The following LUC7L2 variants were observed in gnomAD, a reference collection of about 807,000 sequenced individuals.
LUC7L2 encodes LUC7 like 2, pre-mRNA splicing factor, also known as putative RNA-binding protein Luc7-like 2.
A neutral mutation model predicts 52.8 loss-of-function variants in LUC7L2; 25 were observed. The ratio of observed to expected loss-of-function variants is 0.47; its 90% CI spans 0.34 to 0.66. LUC7L2 has a LOEUF of 0.66. LUC7L2 is among the 30% of genes least tolerant of loss of function. The pLI is 0.01. For synonymous variants in LUC7L2, 144 were observed against 160.9 expected (o/e 0.89, Z 0.80); for missense variants, 328 against 497.8 (o/e 0.66, Z 3.25).
At position 139,347,373 on chromosome 7, in the gene LUC7L2, A is replaced by C. The variant is rs551252608; in HGVS notation, c.-26+6856A>C. 5.3e-5 allele frequency among the ~76,000 whole-genome samples: 8 copies of C among 152,238 alleles called. No individual in the cohort carries two copies. The South Asian group carries it at 1.7e-3, about 32-fold the overall frequency. ...GAAGCTGATGTGGGCGGATCACCTG[A>C]GGTTGGGAGTTCCAGACCAGCCTGA... On this transcript the variant is annotated intron_variant, in intron 1 of 10. Transcript: ENST00000541170.
chr7:139,382,683 A>G (rs762314358), intron 2 of LUC7L2, among the ~76,000 whole-genome samples: 9 of 152,310 alleles, frequency 5.9e-5, no homozygotes, highest in Non-Finnish European at 1.0e-4. Context: ...ATTTGGCACC[A>G]TGCCCAACCT....
intron 1 of LUC7L2, among the ~76,000 whole-genome samples, chr7:139,372,636 A>G: frequency 6.6e-6 from 1 of 151,984 alleles, no homozygotes; most frequent in South Asian, 2.1e-4. Context: ...ATTATAACTT[A>G]TTACTCCATT....
intron 2 of LUC7L2, among the ~76,000 whole-genome samples, chr7:139,388,377 A>T (rs1184218733): frequency 6.6e-6 from 1 of 152,096 alleles, no homozygotes; most frequent in Non-Finnish European, 1.5e-5. Flanking sequence ...GAGCTGGAAC[A>T]TATACAAGTG....
Position 139,423,300 on chromosome 7 carries a change from A to G in LUC7L2, c.*960A>G, listed in dbSNP as rs1795973479. The G allele has an allele frequency of 2.5e-6, 1 of 398,946 alleles. No individual in the cohort carries two copies. Among genetic ancestry groups the G allele is most frequent in the Non-Finnish European group, 4.4e-6 (1 of 226,084 alleles). 24.7% of individuals were successfully genotyped at this position (398,946 alleles called of 1,614,324 possible). ...AAATACGTACTTGCAAAGATTCCAG[A>G]TGAGCTGTTCATGTGGGCCCCTTGC... On this transcript the variant is annotated 3_prime_UTR_variant, in exon 10 of 10. Coordinates refer to ENST00000354926, the MANE Select transcript of LUC7L2 (RefSeq NM_016019.5).
intron 8 of LUC7L2, among the ~76,000 whole-genome samples, chr7:139,413,113 A>G (rs1795441756): frequency 6.6e-6 from 1 of 152,200 alleles, no homozygotes; most frequent in South Asian, 2.1e-4. Flanking sequence ...GAAGGCTTTC[A>G]GAGAGGCATT....
chr7:139,404,682 G>A (rs559548083), intron 4 of LUC7L2, among the ~76,000 whole-genome samples: 2 of 152,202 alleles, frequency 1.3e-5, no homozygotes, highest in South Asian at 2.1e-4. Context: ...GAAGAGGAAC[G>A]TATTCTTTCC....
chr7:139,375,882 C>T (rs931138355), intron 1 of LUC7L2, 180 bp from the exon 2 acceptor site: 1 of 593,176 alleles, frequency 1.7e-6, no homozygotes, highest in Non-Finnish European at 2.8e-6. Flanking sequence ...AGTACACTTA[C>T]TGCAACTGCA....
intron 2 of LUC7L2, among the ~76,000 whole-genome samples, chr7:139,382,199 A>G (rs1801067215): frequency 6.6e-6 from 1 of 151,712 alleles, no homozygotes; most frequent in Non-Finnish European, 1.5e-5. Context: ...TAGTTTTTGT[A>G]TTTTTAATAG....
chr7:139,354,921 G>T (rs952297947), upstream of LUC7L2, among the ~76,000 whole-genome samples: 6 of 151,684 alleles, frequency 4.0e-5, no homozygotes, highest in African/African-American at 1.5e-4. Flanking sequence ...CAGTAGTAAG[G>T]TCATGGCTGA....
intron 1 of LUC7L2, among the ~76,000 whole-genome samples, chr7:139,351,970 G>C (rs1047648687): frequency 1.3e-5 from 2 of 152,122 alleles, no homozygotes; most frequent in African/African-American, 4.8e-5. Context: ...CTGGATGGGA[G>C]GACTGCTTGA....
chr7:139,347,643 T>C (rs1015061939), intron 1 of LUC7L2, among the ~76,000 whole-genome samples: 1 of 151,784 alleles, frequency 6.6e-6, no homozygotes, highest in African/African-American at 2.4e-5. Flanking sequence ...AACATTAAAA[T>C]AATAGTATTA....
At chr7:139,350,417 A>G (rs561216728) in intron 1 of LUC7L2, among the ~76,000 whole-genome samples, 8 of 151,768 alleles carry the variant, frequency 5.3e-5, no homozygotes, top group East Asian at 2.0e-4. Flanking sequence ...CACTGCACCC[A>G]GCCACCTTAT....
intron 1 of LUC7L2, among the ~76,000 whole-genome samples, chr7:139,368,805 G>A (rs563582442): frequency 7.3e-5 from 11 of 151,380 alleles, no homozygotes; most frequent in African/African-American, 2.2e-4. Flanking sequence ...CCCCTTCACC[G>A]TCTCAGTCCT....
intron 9 of LUC7L2, among the ~76,000 whole-genome samples, chr7:139,420,340 A>G (rs1795840088): frequency 6.6e-6 from 1 of 152,074 alleles, no homozygotes. Context: ...AGTAGCTGGG[A>G]TTACAGGCCC....
In LUC7L2 at chr7:139,418,853, C is replaced by A. The variant is rs138142154; in HGVS notation, c.1001+1124C>A. Among the ~76,000 whole-genome samples the A allele has an allele frequency of 1.3e-3, 196 of 152,254 alleles. 1 individual carries two copies. Among genetic ancestry groups the A allele is most frequent in the Non-Finnish European group, 5.4e-4 (37 of 68,018 alleles). The stretch of plus-strand genomic sequence containing the variant: ...CTATGTGAGGCTGGGTGCCATGGCT[C>A]ACGCTTATAATCCCAGCACTTTGGG... On this transcript the variant is annotated intron_variant, in intron 9 of 9. Transcript: ENST00000354926.
At chr7:139,413,852 A>C (rs913170220) in intron 8 of LUC7L2, among the ~76,000 whole-genome samples, 6 of 152,218 alleles carry the variant, frequency 3.9e-5, no homozygotes, top group Non-Finnish European at 8.8e-5. Context: ...ACACTAAAAA[A>C]ACTAAAGAAC....
At chr7:139,384,556 C>G (rs1226409907) in intron 2 of LUC7L2, among the ~76,000 whole-genome samples, 3 of 152,112 alleles carry the variant, frequency 2.0e-5, no homozygotes, top group Non-Finnish European at 2.9e-5. Context: ...ATAAAAAATG[C>G]ATTTGGTGCC....
chr7:139,397,958 C>T (rs542960248), intron 2 of LUC7L2, among the ~76,000 whole-genome samples: 1 of 152,264 alleles, frequency 6.6e-6, no homozygotes, highest in East Asian at 1.9e-4. Context: ...TATATGGAGT[C>T]TTGTCCCCAG....
intron 2 of LUC7L2, among the ~76,000 whole-genome samples, chr7:139,384,744 A>G (rs1794115859): frequency 6.6e-6 from 1 of 151,794 alleles, no homozygotes; most frequent in African/African-American, 2.4e-5. Context: ...TGTCATTCTG[A>G]ATAATAATTT....
Sources: allele counts gnomAD v4.1 joint callset (sites outside exome capture counted in the v4.1 genomes callset), GRCh38; gene constraint gnomAD v4.1.1; transcripts MANE v1.5; gene names NCBI Gene and HGNC (gene_info 2026-07-23, HGNC 2026-07-21).